The following FARP2 variants were observed in gnomAD, a reference collection of about 807,000 sequenced individuals.
The protein encoded by FARP2 is FERM, ARH/RhoGEF and pleckstrin domain protein 2, also known as FERM, ARHGEF and pleckstrin domain-containing protein 2.
Under a neutral mutation model 130.5 loss-of-function variants are expected in FARP2, and 111 were observed. That is an observed-to-expected ratio of 0.85 (90% CI 0.73 to 1.00). FARP2 has a LOEUF of 1.00. Among genes scored for constraint, FARP2 ranks in the 50% least tolerant of loss-of-function variants. The pLI, the probability that FARP2 is intolerant of heterozygous loss-of-function variation, is 0.00. For synonymous variants in FARP2, 504 were observed against 516.9 expected, an observed-to-expected ratio of 0.98 and a Z score of 0.34; for missense variants, 1,385 against 1,346.3, an observed-to-expected ratio of 1.03 and a Z score of -0.45.
Position 241,475,836 on chromosome 2 carries a change from C to T in FARP2, c.2132-21C>T. 1 of 1,602,882 alleles carries T rather than the reference C, an allele frequency of 6.2e-7. No individual in the cohort carries two copies. Among genetic ancestry groups the T allele is most frequent in the Non-Finnish European group, 8.5e-7 (1 of 1,174,276 alleles). On this transcript the variant is annotated intron_variant, in intron 18 of 26. Transcript: ENST00000264042. The surrounding 1 kb of genome is among the most constrained non-coding windows in gnomAD (Gnocchi z 4.4). ...GCACACCACTGCCTGTACACCTGTA[C>T]TGAGGGGTCTCTCCACACAGACGCC...
intron 2 of FARP2, among the ~76,000 whole-genome samples, chr2:241,402,057 T>C (rs1236227615): frequency 6.6e-6 from 1 of 152,170 alleles, no homozygotes; most frequent in Non-Finnish European, 1.5e-5. Context: ...CCCAAAGTGC[T>C]AGGATTACAG....
At chr2:241,436,708 A>G (rs995193262) in intron 12 of FARP2, among the ~76,000 whole-genome samples, 170 bp downstream of exon 12, 1 of 152,212 alleles carries the variant, frequency 6.6e-6, no homozygotes, top group Non-Finnish European at 1.5e-5. Context: ...GAAAGCCAGC[A>G]GGGCAGTGGC....
chr2:241,486,453 C>A (rs1232172527), intron 21 of FARP2, among the ~76,000 whole-genome samples: 1 of 91,258 alleles, frequency 1.1e-5, no homozygotes, highest in Non-Finnish European at 1.9e-5. Flanking sequence ...CAGAGTGAGA[C>A]CTCGTCTCAA....
intron 2 of FARP2, among the ~76,000 whole-genome samples, chr2:241,389,598 A>G (rs1017259779): frequency 1.3e-5 from 2 of 152,166 alleles, no homozygotes; most frequent in Non-Finnish European, 2.9e-5. Flanking sequence ...TTAAAATCTT[A>G]CTCAAGGTTA....
chr2:241,492,945 A>G lies in FARP2; in HGVS notation c.2804A>G (p.Tyr935Cys). 6.2e-7 allele frequency: 1 copy of G among 1,608,464 alleles called. No individual in the cohort carries two copies. Among genetic ancestry groups the G allele is most frequent in the Non-Finnish European group, 8.5e-7 (1 of 1,174,866 alleles). The change falls in exon 25 of 27, where the codon TAT becomes TGT. Residue 935 changes from tyrosine (Y) to cysteine (C), a missense_variant. Coordinates refer to ENST00000264042, the MANE Select transcript of FARP2 (RefSeq NM_014808.4). ...TATTGACAGAACCAGCTTTCAGGAT[A>G]TCTGCTAAGAAAGTTCAAAAACAGT... ...SAAVENQLSG[Y>C]LLRKFKNSHG... is the part of the protein sequence containing the mutation.
chr2:241,485,472 TC>T (rs1248686025), intron 21 of FARP2, among the ~76,000 whole-genome samples: 1 of 149,690 alleles, frequency 6.7e-6, no homozygotes, highest in African/African-American at 2.5e-5. Flanking sequence ...GGATCTTCCC[TC>T]CATCGGCTTC....
chr2:241,356,902 G>A (rs2061081595), intron 1 of FARP2, among the ~76,000 whole-genome samples: 1 of 152,266 alleles, frequency 6.6e-6, no homozygotes, highest in African/African-American at 2.4e-5. Flanking sequence ...TATCTTAAAG[G>A]TGGGAATCAA....
intron 2 of FARP2, among the ~76,000 whole-genome samples, chr2:241,398,532 C>T (rs1425144359): frequency 6.6e-6 from 1 of 151,620 alleles, no homozygotes; most frequent in Admixed American, 6.6e-5. Flanking sequence ...TTGGTAGTTT[C>T]CAGTTTTGAG....
At chr2:241,376,028 A>G (rs62193204) in intron 2 of FARP2, among the ~76,000 whole-genome samples, 16,828 of 152,238 alleles carry the variant, frequency 0.11, 1,188 homozygotes, top group Non-Finnish European at 0.15. Flanking sequence ...TTTGTTAAGT[A>G]ACAAACCATC....
chr2:241,471,992 AGAACC>A, intron 18 of FARP2, among the ~76,000 whole-genome samples: 1 of 148,630 alleles, frequency 6.7e-6, no homozygotes, highest in Admixed American at 6.7e-5. Flanking sequence ...TGTTTTGAGG[AGAACC>A]TGTTATGTGG....
intron 13 of FARP2, among the ~76,000 whole-genome samples, chr2:241,447,727 G>A (rs975516580): frequency 1.3e-5 from 2 of 152,134 alleles, no homozygotes; most frequent in Non-Finnish European, 1.5e-5. Flanking sequence ...TGGCCAACAC[G>A]AGTTTCTGCT....
At chr2:241,420,151 CTAAA>C in intron 8 of FARP2, among the ~76,000 whole-genome samples, 1 of 152,270 alleles carries the variant, frequency 6.6e-6, no homozygotes, top group Middle Eastern at 3.4e-3. Context: ...GACCCTGTCT[CTAAA>C]TAAGTACATA....
At chr2:241,396,907 C>T (rs2062043974) in intron 2 of FARP2, among the ~76,000 whole-genome samples, 2 of 152,192 alleles carry the variant, frequency 1.3e-5, no homozygotes, top group Non-Finnish European at 2.9e-5. Flanking sequence ...CGGCACTATT[C>T]ACAATGGCAA....
chr2:241,410,853 G>C, intron 5 of FARP2, 180 bp from the exon 6 acceptor site: 1 of 571,124 alleles, frequency 1.8e-6, no homozygotes, highest in Non-Finnish European at 3.2e-6. Context: ...CTTGGTGACT[G>C]TTTGTTTCAT....
intron 24 of FARP2, 31 bp downstream of exon 24, chr2:241,491,710 T>C (rs547795929): frequency 1.3e-6 from 2 of 1,558,442 alleles, no homozygotes; most frequent in East Asian, 2.3e-5. Context: ...CCTCAGTGCA[T>C]CTGGAATGTT....
rs770801321 is a variant in FARP2, at chr2:241,468,339, A to G, written c.2093A>G (p.His698Arg). 7.4e-6 allele frequency: 12 copies of G among 1,613,352 alleles called. No homozygotes were observed. Among genetic ancestry groups the G allele is most frequent in the Admixed American group, 1.7e-5 (1 of 59,998 alleles). Residue 698 changes from histidine (H) to arginine (R), a missense_variant, in exon 18 of 27, where the codon CAT (histidine) becomes CGT (arginine). His to Arg is a conservative substitution (Grantham distance 29, BLOSUM62 0). Transcript: ENST00000264042. Reference sequence around the variant, plus strand: ...CTGCTGCTGCGCCGCCTATGCGGACATTACAGCCCCGGGCACCATGACTAC... The same window carrying G: ...CTGCTGCTGCGCCGCCTATGCGGACGTTACAGCCCCGGGCACCATGACTAC... ...YRLLLRRLCG[H>R]YSPGHHDYAD...
intron 2 of FARP2, among the ~76,000 whole-genome samples, chr2:241,376,298 A>G (rs2061535027): frequency 6.6e-6 from 1 of 152,142 alleles, no homozygotes; most frequent in Admixed American, 6.5e-5. Context: ...CTTCTGCCAC[A>G]TTTTATTAAT....
chr2:241,367,503 C>T (rs1300420090), intron 1 of FARP2, among the ~76,000 whole-genome samples: 1 of 152,024 alleles, frequency 6.6e-6, no homozygotes, highest in Non-Finnish European at 1.5e-5. Context: ...GCCCCAGGGC[C>T]GAGGGATTGA....
intron 18 of FARP2, among the ~76,000 whole-genome samples, chr2:241,472,970 A>G (rs1404190723): frequency 6.7e-6 from 1 of 150,184 alleles, no homozygotes; most frequent in Non-Finnish European, 1.5e-5. Flanking sequence ...TTCTGAAGGG[A>G]TCCTTTTCTG....
Sources: allele counts gnomAD v4.1 joint callset (sites outside exome capture counted in the v4.1 genomes callset), GRCh38; gene constraint gnomAD v4.1.1; non-coding constraint Gnocchi (gnomAD v3.1); transcripts MANE v1.5; gene names NCBI Gene and HGNC (gene_info 2026-07-23, HGNC 2026-07-21).